FGGY: variants seen among roughly 807,000 people sequenced by gnomAD.
The protein encoded by FGGY is FGGY carbohydrate kinase domain-containing protein.
A neutral mutation model predicts 71.3 loss-of-function variants in FGGY; 72 were observed. The observed-to-expected ratio is 1.01, with a 90% CI of 0.84 to 1.23. The LOEUF is 1.23. Among genes scored for constraint, FGGY ranks in the 50% most tolerant of loss-of-function variants. FGGY has a pLI of 0.00. For synonymous variants in FGGY, 251 were observed against 250.3 expected, an observed-to-expected ratio of 1.00 and a Z score of -0.02; for missense variants, 668 against 682.3, an observed-to-expected ratio of 0.98 and a Z score of 0.23.
At chr1:59,507,563 A>G (rs971763845) in intron 6 of FGGY, among the ~76,000 whole-genome samples, 4 of 151,570 alleles carry the variant, frequency 2.6e-5, no homozygotes, top group Admixed American at 2.6e-4. Flanking sequence ...GTTGCCCAGG[A>G]TGGAGTGCAG....
chr1:59,585,535 A>T (rs1354336114), intron 8 of FGGY, among the ~76,000 whole-genome samples: 1 of 152,238 alleles, frequency 6.6e-6, no homozygotes, highest in Non-Finnish European at 1.5e-5. Flanking sequence ...TGGATTAAAG[A>T]CTTAAATGTT....
At chr1:59,653,075 G>T (rs1261855798) in intron 11 of FGGY, among the ~76,000 whole-genome samples, 1 of 152,226 alleles carries the variant, frequency 6.6e-6, no homozygotes, top group Non-Finnish European at 1.5e-5. Flanking sequence ...GTGGGTCAGG[G>T]TTCAGCGACC....
At chr1:59,446,665 A>T (rs1339945069) in intron 5 of FGGY, among the ~76,000 whole-genome samples, 1 of 152,144 alleles carries the variant, frequency 6.6e-6, no homozygotes, top group East Asian at 1.9e-4. Flanking sequence ...GGCTTGGAAA[A>T]ACAGAGCCAT....
intron 5 of FGGY, among the ~76,000 whole-genome samples, chr1:59,387,459 A>G (rs1442001834): frequency 1.3e-5 from 2 of 151,960 alleles, no homozygotes; most frequent in Non-Finnish European, 2.9e-5. Flanking sequence ...TCAACCACTT[A>G]TTTATGTATG....
intron 8 of FGGY, among the ~76,000 whole-genome samples, chr1:59,592,527 A>T (rs1342349529): frequency 6.6e-6 from 1 of 152,218 alleles, no homozygotes; most frequent in African/African-American, 2.4e-5. Context: ...AAAGACTTGG[A>T]ACCAACCCAA....
intron 5 of FGGY, among the ~76,000 whole-genome samples, chr1:59,396,262 C>T (rs2061313080): frequency 6.6e-6 from 1 of 152,166 alleles, no homozygotes; most frequent in Non-Finnish European, 1.5e-5. Context: ...TTGGGTGTCT[C>T]ACTTTTGCAT....
At chr1:59,378,861 G>A (rs756567359) in intron 5 of FGGY, 24 bp downstream of exon 5, 4 of 1,581,588 alleles carry the variant, frequency 2.5e-6, no homozygotes, top group Non-Finnish European at 3.5e-6. Flanking sequence ...AAGTTGGATT[G>A]TGTTTGCGTT....
intron 4 of FGGY, among the ~76,000 whole-genome samples, chr1:59,357,639 A>T (rs75049868): frequency 1.9e-4 from 29 of 152,180 alleles, no homozygotes; most frequent in African/African-American, 7.0e-4. Context: ...TTTCTTCCTC[A>T]TTTGGGTTGG....
chr1:59,689,398 A>G (rs867456865), intron 14 of FGGY, among the ~76,000 whole-genome samples: 3 of 152,200 alleles, frequency 2.0e-5, no homozygotes, highest in Admixed American at 6.5e-5. Context: ...TGAAAAAGAA[A>G]GTTGGATAGA....
At chr1:59,374,544 C>T (rs981321594) in intron 4 of FGGY, among the ~76,000 whole-genome samples, 1 of 152,020 alleles carries the variant, frequency 6.6e-6, no homozygotes, top group African/African-American at 2.4e-5. Flanking sequence ...CCCAGCCATC[C>T]CATTACTGGG....
chr1:59,375,236 G>T (rs2153304352), intron 4 of FGGY, among the ~76,000 whole-genome samples: 1 of 143,634 alleles, frequency 7.0e-6, no homozygotes, highest in South Asian at 2.3e-4. Context: ...CTCCAGCCTG[G>T]CGATAGAGTG....
intron 8 of FGGY, among the ~76,000 whole-genome samples, chr1:59,558,234 T>C (rs1326429252): frequency 6.6e-6 from 1 of 152,140 alleles, no homozygotes; most frequent in Non-Finnish European, 1.5e-5. Flanking sequence ...TAAAAATGAG[T>C]TGTTAATCAC....
At chr1:59,546,412 A>T (rs1055528389) in intron 7 of FGGY, among the ~76,000 whole-genome samples, 1 of 77,802 alleles carries the variant, frequency 1.3e-5, no homozygotes, top group African/African-American at 5.6e-5. Flanking sequence ...CTTGCTCTGC[A>T]GAGGGTGGGA....
chr1:59,336,294 T>A (rs534687480), intron 2 of FGGY, among the ~76,000 whole-genome samples: 1 of 152,204 alleles, frequency 6.6e-6, no homozygotes, highest in East Asian at 1.9e-4. Context: ...CATAAATGGG[T>A]TTACTTCTTA....
rs545293784 is a variant in FGGY at position 59,683,781 on chromosome 1, G to T, written c.1512+9648G>T. Among the ~76,000 whole-genome samples, 5 of 152,294 alleles carry T rather than the reference G, an allele frequency of 3.3e-5. No homozygotes were observed. In the South Asian group the frequency reaches 8.3e-4, roughly 25 times the overall value. ...TCCCTTATCTCATTAAAAATTAAAA[G>T]CACTCTTGGTTTAAGTAGGGCAAAT... On this transcript the variant is annotated intron_variant, in intron 14 of 15. Transcript: ENST00000303721.
At chr1:59,692,855 G>A (rs913729197) in intron 14 of FGGY, among the ~76,000 whole-genome samples, 2 of 152,152 alleles carry the variant, frequency 1.3e-5, no homozygotes, top group Non-Finnish European at 2.9e-5. Flanking sequence ...CCCGCGGCTA[G>A]ACTAATCATG....
At chr1:59,558,072 G>A (rs576523827) in intron 8 of FGGY, among the ~76,000 whole-genome samples, 3 of 152,126 alleles carry the variant, frequency 2.0e-5, no homozygotes, top group Non-Finnish European at 4.4e-5. Context: ...ATTTAGGCAG[G>A]ATGCTTCATC....
At chr1:59,635,002 TGAGA>T (rs1188164244) in intron 10 of FGGY, among the ~76,000 whole-genome samples, 1 of 152,150 alleles carries the variant, frequency 6.6e-6, no homozygotes, top group Non-Finnish European at 1.5e-5. Context: ...CTGGGGTTCA[TGAGA>T]GAGAGGGTGA....
chr1:59,732,820 G>T (rs2098051764), intron 14 of FGGY, among the ~76,000 whole-genome samples: 1 of 151,890 alleles, frequency 6.6e-6, no homozygotes. Flanking sequence ...GACGTCACAG[G>T]AACATGCAAT....
Sources: gnomAD v4.1 joint callset for allele counts (sites outside exome capture counted in the v4.1 genomes callset) on GRCh38, gnomAD v4.1.1 for gene constraint, MANE v1.5 for transcripts, NCBI Gene and HGNC (gene_info 2026-07-23, HGNC 2026-07-21) for gene names.